The following SPOCK1 variants were observed in gnomAD, a reference collection of about 807,000 sequenced individuals.
SPOCK1 encodes the protein SPARC (osteonectin), cwcv and kazal like domains proteoglycan 1, also known as testican-1.
SPOCK1 carries 23 observed loss-of-function variants against 55.3 expected under a neutral mutation model. The ratio of observed to expected loss-of-function variants is 0.42; its 90% confidence interval spans 0.30 to 0.59. The LOEUF (loss-of-function observed/expected upper bound fraction) is 0.59, where lower values mean the gene tolerates loss of function less well. Among genes scored for constraint, SPOCK1 ranks in the 20% least tolerant of loss-of-function variants. SPOCK1 has a pLI of 0.22. For synonymous variants in SPOCK1, 226 were observed against 221.0 expected, an observed-to-expected ratio of 1.02 and a Z score of -0.20; for missense variants, 499 against 552.5, an observed-to-expected ratio of 0.90 and a Z score of 0.97.
At chr5:137,439,441 T>C (rs1752939176) in intron 2 of SPOCK1, among the ~76,000 whole-genome samples, 1 of 152,188 alleles carries the variant, frequency 6.6e-6, no homozygotes, top group African/African-American at 2.4e-5. Context: ...GAAAAGCTCA[T>C]GCTATTATTA....
At chr5:137,489,007 A>G (rs1754119911) in intron 2 of SPOCK1, among the ~76,000 whole-genome samples, 1 of 152,196 alleles carries the variant, frequency 6.6e-6, no homozygotes, top group Non-Finnish European at 1.5e-5. Context: ...AAAGCTACCA[A>G]ATCAAATTAA....
chr5:137,263,197 G>A lies in SPOCK1; in HGVS notation c.232+3813C>T, dbSNP rs77538904. ...GAAAAAAATTGAAAATATGGTCACA[G>A]GCAAATTTGGAAAATGATAGGTTAA... On this transcript the variant is annotated intron_variant, in intron 3 of 10. Transcript: ENST00000394945. Among the ~76,000 whole-genome samples the A allele has an allele frequency of 9.7e-3, 1,471 of 152,286 alleles. 26 individuals are homozygous for A. The highest frequency in any genetic ancestry group is 0.033 in the African/African-American group (1,390 of 41,544).
rs76739843 is a variant in SPOCK1, at chr5:137,244,928, A to G, written c.232+22082T>C. 1.8e-3 allele frequency among the ~76,000 whole-genome samples: 270 copies of G among 152,334 alleles called. 1 individual carries two copies. The East Asian group carries it at 0.018, about 10-fold the overall frequency. The stretch of plus-strand genomic sequence containing the variant: ...CAAAGATCTTTGCTGGTTTTTAAAT[A>G]CTAATTTTATTACTTACCAATGTCC... On this transcript the variant is annotated intron_variant, in intron 3 of 10. Coordinates refer to ENST00000394945, the MANE Select transcript of SPOCK1 (RefSeq NM_004598.4).
intron 3 of SPOCK1, among the ~76,000 whole-genome samples, chr5:137,241,037 T>G (rs375782730): frequency 6.6e-6 from 1 of 152,314 alleles, no homozygotes; most frequent in East Asian, 1.9e-4. Context: ...TGGTTCTATA[T>G]CCTACATCAC....
At chr5:137,477,564 G>A (rs1753861731) in intron 2 of SPOCK1, among the ~76,000 whole-genome samples, 1 of 152,178 alleles carries the variant, frequency 6.6e-6, no homozygotes, top group South Asian at 2.1e-4. Flanking sequence ...TTGCAGGGAA[G>A]CAGAGGGGGC....
chr5:137,001,818 C>T (rs965804262), intron 6 of SPOCK1, among the ~76,000 whole-genome samples: 1 of 152,272 alleles, frequency 6.6e-6, no homozygotes, highest in Admixed American at 6.5e-5. Flanking sequence ...AGATAATAAG[C>T]TCCTTGCCAT....
intron 2 of SPOCK1, among the ~76,000 whole-genome samples, chr5:137,476,356 A>G (rs968569831): frequency 6.6e-6 from 1 of 152,226 alleles, no homozygotes; most frequent in Admixed American, 6.5e-5. Flanking sequence ...GGGAGCAAGC[A>G]CATCAGCTGT....
intron 3 of SPOCK1, among the ~76,000 whole-genome samples, chr5:137,190,871 G>T (rs771916282): frequency 3.9e-5 from 6 of 152,148 alleles, no homozygotes; most frequent in Non-Finnish European, 8.8e-5. Flanking sequence ...GTCTAATCCA[G>T]ACACTGGCAA....
At chr5:137,457,802 G>A in intron 2 of SPOCK1, among the ~76,000 whole-genome samples, 1 of 152,018 alleles carries the variant, frequency 6.6e-6, no homozygotes, top group East Asian at 1.9e-4. Flanking sequence ...ATCCCAGAGG[G>A]GAAAAAAGGG....
intron 5 of SPOCK1, among the ~76,000 whole-genome samples, chr5:137,079,903 G>C (rs1442497098): frequency 6.6e-6 from 1 of 151,324 alleles, no homozygotes; most frequent in Non-Finnish European, 1.5e-5. Context: ...ACAACACACC[G>C]TCCCATGCCT....
chr5:136,988,557 C>A lies in SPOCK1; in HGVS notation c.793G>T (p.Asp265Tyr). The change falls in exon 8 of 11, where the codon GAC becomes TAC. Residue 265 changes from aspartate to tyrosine, a missense_variant. Around this residue, in one of 3 missense-constraint regions of SPOCK1, gnomAD observed 386 missense variants for 400.6 expected, o/e 0.96. Transcript: ENST00000394945. ...KLDMNYDLLL[D>Y]PSEINAIYLD... ...TAGATGGCATTGATCTCTGAAGGGT[C>A]AAGCAGGAGGTCATAGTTCATGTCC... 1 of 1,614,078 alleles carries A rather than the reference C, an allele frequency of 6.2e-7. No homozygotes were observed. The highest frequency in any genetic ancestry group is 8.5e-7 in the Non-Finnish European group (1 of 1,179,986).
At chr5:137,374,600 A>G (rs1454793400) in intron 2 of SPOCK1, among the ~76,000 whole-genome samples, 2 of 152,160 alleles carry the variant, frequency 1.3e-5, no homozygotes, top group Non-Finnish European at 2.9e-5. Context: ...CCATGAATCC[A>G]TGGCTTTCTG....
At chr5:137,444,119 G>T (rs1348023919) in intron 2 of SPOCK1, among the ~76,000 whole-genome samples, 1 of 152,042 alleles carries the variant, frequency 6.6e-6, no homozygotes, top group Non-Finnish European at 1.5e-5. Flanking sequence ...ACCTGTGAGG[G>T]CAACCACACC....
intron 2 of SPOCK1, among the ~76,000 whole-genome samples, chr5:137,314,287 G>C (rs1757838695): frequency 6.6e-6 from 1 of 152,046 alleles, no homozygotes; most frequent in Non-Finnish European, 1.5e-5. Flanking sequence ...CATGATACTG[G>C]GACAATTCTT....
chr5:137,248,314 A>G (rs1369130), intron 3 of SPOCK1, among the ~76,000 whole-genome samples: 10,236 of 152,176 alleles, frequency 0.067, 1,052 homozygotes, highest in African/African-American at 0.23. Context: ...ATGTGTATGT[A>G]TCAAATTCAT....
chr5:137,142,730 C>T (rs923171234), intron 3 of SPOCK1, among the ~76,000 whole-genome samples: 1 of 152,194 alleles, frequency 6.6e-6, no homozygotes, highest in Non-Finnish European at 1.5e-5. Context: ...CAGAGTCTTC[C>T]AAGGCTGGGG....
chr5:137,237,014 C>T (rs1756194235), intron 3 of SPOCK1, among the ~76,000 whole-genome samples: 1 of 152,182 alleles, frequency 6.6e-6, no homozygotes, highest in African/African-American at 2.4e-5. Context: ...TTTAGCACTG[C>T]TCCAGCTCAC....
At chr5:137,496,088 T>A (rs1220196778) in intron 2 of SPOCK1, among the ~76,000 whole-genome samples, 1 of 152,218 alleles carries the variant, frequency 6.6e-6, no homozygotes, top group Non-Finnish European at 1.5e-5. Flanking sequence ...TTTTGTTATG[T>A]CTTGGACATT....
chr5:137,421,734 G>A (rs1157722150), intron 2 of SPOCK1, among the ~76,000 whole-genome samples: 1 of 152,120 alleles, frequency 6.6e-6, no homozygotes, highest in African/African-American at 2.4e-5. Flanking sequence ...ACACTGATGG[G>A]TCTTGACTCT....
Sources: gnomAD v4.1 joint callset for allele counts (sites outside exome capture counted in the v4.1 genomes callset) on GRCh38, gnomAD v4.1.1 for gene constraint, gnomAD v4.1.1 regional missense constraint, MANE v1.5 for transcripts, NCBI Gene and HGNC (gene_info 2026-07-23, HGNC 2026-07-21) for gene names.